Variants in PHF3 observed in about 807,000 individuals in gnomAD.
PHF3 encodes the protein PHD finger protein 3.
In PHF3, 41 loss-of-function variants were observed where a neutral mutation model predicts 178.4. The ratio of observed to expected loss-of-function variants is 0.23; its 90% CI spans 0.18 to 0.30. The LOEUF (loss-of-function observed/expected upper bound fraction) is 0.30. PHF3 is among the 10% of genes least tolerant of loss of function. The pLI is 1.00. For missense variants in PHF3, 2,346 were observed against 2,398.1 expected (o/e 0.98, Z 0.45); for synonymous variants, 842 against 800.5 (o/e 1.05, Z -0.88).
Position 63,720,531 on chromosome 6 carries a change from C to G in PHF3, c.*6823C>G, listed in dbSNP as rs927390284. ...AGTTGATTCCCCGTAAGCAATGTATCAAAGAAATAACTATCAAAATAACTG... is the reference window on the plus strand; with the variant it reads ...AGTTGATTCCCCGTAAGCAATGTATGAAAGAAATAACTATCAAAATAACTG... On this transcript the variant is annotated 3_prime_UTR_variant, in exon 16 of 16. Transcript: ENST00000262043. The G allele has an allele frequency of 4.1e-6, 5 of 1,213,934 alleles. No homozygotes were observed. The highest frequency in any genetic ancestry group is 3.1e-5 in the African/African-American group (2 of 64,844). 75.2% of individuals were successfully genotyped at this position (1,213,934 alleles called of 1,614,324 possible).
intron 2 of PHF3, among the ~76,000 whole-genome samples, chr6:63,667,949 G>A (rs1765748986): frequency 6.6e-6 from 1 of 152,190 alleles, no homozygotes; most frequent in Non-Finnish European, 1.5e-5. Flanking sequence ...AAGGTAGTGA[G>A]AGCAAAATCT....
At chr6:63,701,078 T>G (rs984092568) in intron 9 of PHF3, among the ~76,000 whole-genome samples, 2 of 152,212 alleles carry the variant, frequency 1.3e-5, no homozygotes, top group Non-Finnish European at 2.9e-5. Flanking sequence ...GCAGCACAGT[T>G]TGAAGGTATT....
At chr6:63,703,296 A>C (rs1297856986) in intron 10 of PHF3, among the ~76,000 whole-genome samples, 1 of 152,188 alleles carries the variant, frequency 6.6e-6, no homozygotes, top group Non-Finnish European at 1.5e-5. Flanking sequence ...ATAATTTGAA[A>C]TCTTACTAGA....
intron 1 of PHF3, among the ~76,000 whole-genome samples, chr6:63,641,121 A>C (rs555950621): frequency 3.9e-5 from 6 of 152,196 alleles, no homozygotes; most frequent in Non-Finnish European, 2.9e-5. Flanking sequence ...TGTTTTTGGT[A>C]AGCATGCCTG....
intron 1 of PHF3, among the ~76,000 whole-genome samples, chr6:63,640,185 G>C (rs115359753): frequency 4.3e-4 from 66 of 152,294 alleles, no homozygotes; most frequent in African/African-American, 1.5e-3. Context: ...TAGAGTAGAT[G>C]ACTAGGTTGA....
chr6:63,658,689 G>A (rs1765337283), intron 2 of PHF3, among the ~76,000 whole-genome samples: 1 of 151,218 alleles, frequency 6.6e-6, no homozygotes, highest in South Asian at 2.1e-4. Context: ...GTTTTCCAGA[G>A]AAACAGAACC....
intron 4 of PHF3, among the ~76,000 whole-genome samples, chr6:63,688,839 A>G (rs868353363): frequency 1.8e-4 from 28 of 152,246 alleles, no homozygotes; most frequent in African/African-American, 6.5e-4. Flanking sequence ...CTTTGATTTC[A>G]TGCACTAGAT....
At chr6:63,665,979 TTCA>T (rs1469991363) in intron 2 of PHF3, among the ~76,000 whole-genome samples, 1 of 152,196 alleles carries the variant, frequency 6.6e-6, no homozygotes. Context: ...CTGACATGTA[TTCA>T]TCAAGGATAC....
intron 5 of PHF3, among the ~76,000 whole-genome samples, chr6:63,693,865 G>T (rs1003913512): frequency 6.6e-6 from 1 of 152,186 alleles, no homozygotes; most frequent in African/African-American, 2.4e-5. Context: ...AGTTTCTGTT[G>T]TGTGGCATAG....
chr6:63,649,591 A>G (rs949745317), intron 2 of PHF3, among the ~76,000 whole-genome samples: 1 of 152,186 alleles, frequency 6.6e-6, no homozygotes, highest in Non-Finnish European at 1.5e-5. Flanking sequence ...ATTGTATTTC[A>G]GCTGTCTCAA....
At chr6:63,677,303 A>T (rs115110786) in intron 2 of PHF3, among the ~76,000 whole-genome samples, 16 of 151,814 alleles carry the variant, frequency 1.1e-4, no homozygotes, top group Non-Finnish European at 1.9e-4. Flanking sequence ...AAGAAGAAAG[A>T]TGGGGGGACT....
At chr6:63,668,558 T>C (rs1765775257) in intron 2 of PHF3, among the ~76,000 whole-genome samples, 1 of 152,114 alleles carries the variant, frequency 6.6e-6, no homozygotes, top group East Asian at 1.9e-4. Flanking sequence ...CCCAGGCTAG[T>C]CTTGAACTCC....
chr6:63,667,412 A>G (rs1017358500), intron 2 of PHF3, among the ~76,000 whole-genome samples: 1 of 152,210 alleles, frequency 6.6e-6, no homozygotes. Flanking sequence ...GTCATCACCA[A>G]TATTCAACAG....
At chr6:63,698,728 T>A in intron 8 of PHF3, 123 bp downstream of exon 8, 1 of 644,792 alleles carries the variant, frequency 1.6e-6, no homozygotes, top group African/African-American at 1.9e-5. Flanking sequence ...GCTTTTGATG[T>A]AGAACATGTA....
At position 63,699,514 on chromosome 6, in the gene PHF3, G is replaced by A. The variant is rs147838377; in HGVS notation, c.2983-836G>A. On this transcript the variant is annotated intron_variant, in intron 8 of 15. Coordinates refer to ENST00000262043, the MANE Select transcript of PHF3 (RefSeq NM_001370348.2). ...TTGTACATTCTGCCATCATGGTCCC[G>A]AGGATCAGATGCTTCTGGAATTACA... 3.9e-4 allele frequency among the ~76,000 whole-genome samples: 60 copies of A among 152,302 alleles called. No individual in the cohort carries two copies. In the East Asian group the frequency reaches 7.7e-3, roughly 20 times the overall value.
chr6:63,689,582 A>AT (rs935866595), intron 4 of PHF3, among the ~76,000 whole-genome samples: 3 of 152,154 alleles, frequency 2.0e-5, no homozygotes, highest in Non-Finnish European at 4.4e-5. Context: ...TTAAAACTGC[A>AT]TTTTTTAACC....
Position 63,665,678 on chromosome 6 carries a change from G to A in PHF3, c.245-14322G>A, listed in dbSNP as rs185261781. Among the ~76,000 whole-genome samples, 9 of 151,838 alleles carry A rather than the reference G, an allele frequency of 5.9e-5. No individual in the cohort carries two copies. In the East Asian group the frequency reaches 1.4e-3, roughly 23 times the overall value. On this transcript the variant is annotated intron_variant, in intron 2 of 15. Coordinates refer to ENST00000262043, the MANE Select transcript of PHF3 (RefSeq NM_001370348.2). ...TATTGTTGTCTTTTTTAGTAGAGACGGGGCTTCATCATGTTGGCCAGGCTA... is the reference window on the plus strand; with the variant it reads ...TATTGTTGTCTTTTTTAGTAGAGACAGGGCTTCATCATGTTGGCCAGGCTA...
At chr6:63,638,879 A>T (rs936312279) in intron 1 of PHF3, among the ~76,000 whole-genome samples, 3 of 152,216 alleles carry the variant, frequency 2.0e-5, no homozygotes, top group African/African-American at 7.2e-5. Flanking sequence ...ATATTCTTTA[A>T]TTGTTGCCCT....
chr6:63,659,357 G>T (rs1423575871), intron 2 of PHF3, among the ~76,000 whole-genome samples: 1 of 152,138 alleles, frequency 6.6e-6, no homozygotes, highest in African/African-American at 2.4e-5. Flanking sequence ...TATATATGTT[G>T]TCATGAAACT....
Sources: gnomAD v4.1 joint callset for allele counts (sites outside exome capture counted in the v4.1 genomes callset) on GRCh38, gnomAD v4.1.1 for gene constraint, MANE v1.5 for transcripts, NCBI Gene and HGNC (gene_info 2026-07-23, HGNC 2026-07-21) for gene names.